Variants in ASNS observed in about 807,000 individuals in gnomAD.
The protein encoded by ASNS is asparagine synthetase (glutamine-hydrolyzing), also known as asparagine synthetase [glutamine-hydrolyzing].
Under a neutral mutation model 62.6 loss-of-function variants are expected in ASNS, and 37 were observed. The observed-to-expected ratio is 0.59, with a 90% confidence interval of 0.45 to 0.78. The LOEUF is 0.78. Ranked by LOEUF, ASNS falls within the 30% of genes least tolerant of loss-of-function variation. The pLI, the probability that ASNS is intolerant of heterozygous loss-of-function variation, is 0.00. For missense variants in ASNS, 520 were observed against 682.4 expected (o/e 0.76, Z 2.65); for synonymous variants, 207 against 237.9 (o/e 0.87, Z 1.19).
At chr7:97,928,178 C>T in the ASNS span, 1 of 1,530,638 alleles carries the variant, frequency 6.5e-7, no homozygotes, top group Non-Finnish European at 8.7e-7. Context: ...GTGCGCTTCC[C>T]CCCTCCAGCA....
upstream of ASNS, among the ~76,000 whole-genome samples, chr7:97,872,871 C>G (rs1792353178): frequency 6.6e-6 from 1 of 152,238 alleles, no homozygotes; most frequent in East Asian, 1.9e-4. Context: ...GAAGCCAAGG[C>G]AAGAGGATCA....
chr7:97,894,764 G>C, the ASNS span, among the ~76,000 whole-genome samples: 1 of 152,168 alleles, frequency 6.6e-6, no homozygotes, highest in African/African-American at 2.4e-5. Context: ...CCCTAGACTA[G>C]GCTTTTATGC....
the ASNS span, among the ~76,000 whole-genome samples, chr7:97,892,350 C>T: frequency 6.6e-6 from 1 of 152,074 alleles, no homozygotes; most frequent in Non-Finnish European, 1.5e-5. Context: ...GCCATGAAGA[C>T]CTGTGACATG....
chr7:97,880,803 C>T, the ASNS span, among the ~76,000 whole-genome samples: 1 of 152,212 alleles, frequency 6.6e-6, no homozygotes, highest in Non-Finnish European at 1.5e-5. Flanking sequence ...CACAGCTGCA[C>T]ATCAGAATCA....
upstream of ASNS, among the ~76,000 whole-genome samples, chr7:97,873,513 A>T (rs1792370169): frequency 6.6e-6 from 1 of 152,242 alleles, no homozygotes; most frequent in Non-Finnish European, 1.5e-5. Flanking sequence ...ACTTGTTCTA[A>T]GGTTCATTGT....
At chr7:97,856,271 C>G (rs1248967657) in intron 8 of ASNS, among the ~76,000 whole-genome samples, 1 of 152,158 alleles carries the variant, frequency 6.6e-6, no homozygotes, top group African/African-American at 2.4e-5. Context: ...GTATTGTTTG[C>G]AGAGCAATGA....
chr7:97,861,023 CTT>C lies in ASNS; in HGVS notation c.488-1627_488-1626del, dbSNP rs71108240. On this transcript the variant is annotated intron_variant, in intron 4 of 12. Coordinates refer to ENST00000394308, the MANE Select transcript of ASNS (RefSeq NM_001673.5). ...TAGTTCAAAACTGATTCATTTGATC[CTT>C]TTTTTTTTTTTTTTTGAGATGAGTC... Among the ~76,000 whole-genome samples, 28 of 120,670 alleles carry C rather than the reference CTT, an allele frequency of 2.3e-4. No individual in the cohort carries two copies. In the East Asian group the frequency reaches 4.8e-3, roughly 20 times the overall value. 79.2% of individuals were successfully genotyped at this position (120,670 alleles called of 152,430 possible). A position where few individuals can be genotyped will look rare whatever the true frequency, so the allele number is the denominator to read the frequency against.
rs199817844 is a variant in ASNS at position 97,854,643 on chromosome 7, C to G, written c.1175G>C (p.Arg392Thr). 1 of 1,613,988 alleles carries G rather than the reference C, an allele frequency of 6.2e-7. No individual in the cohort carries two copies. The change falls in exon 10 of 13, where the codon AGG (arginine) becomes ACG (threonine). Residue 392 changes from arginine to threonine, a missense_variant. Arg to Thr is a moderately conservative substitution (Grantham distance 71). Coordinates refer to ENST00000394308, the MANE Select transcript of ASNS (RefSeq NM_001673.5). ...SPEKAEEESERLLRELYLFDV... is the reference protein window; with the variant it reads ...SPEKAEEESETLLRELYLFDV... ...AAACAAATAGAGTTCCCTCAGAAGC[C>G]TCTCACTCTCCTCCTCGGCTTTTTC...
the ASNS span, chr7:97,885,727 T>G: frequency 4.6e-6 from 1 of 218,782 alleles, no homozygotes; most frequent in East Asian, 9.7e-5. Context: ...ATTGGAATAA[T>G]ATCACAGATT....
the ASNS span, among the ~76,000 whole-genome samples, chr7:97,900,949 T>C: frequency 1.3e-5 from 2 of 152,192 alleles, no homozygotes; most frequent in Non-Finnish European, 1.5e-5. Context: ...AGTCCAAAGA[T>C]GATATGCTGA....
At chr7:97,892,159 G>A in the ASNS span, among the ~76,000 whole-genome samples, 3 of 152,218 alleles carry the variant, frequency 2.0e-5, no homozygotes, top group Non-Finnish European at 2.9e-5. Flanking sequence ...TGTGGAAGCT[G>A]CTAAGGCTTG....
the ASNS span, among the ~76,000 whole-genome samples, chr7:97,927,382 C>A: frequency 2.0e-5 from 3 of 152,240 alleles, no homozygotes; most frequent in Non-Finnish European, 2.9e-5. Flanking sequence ...TCAGCAGTAA[C>A]AACCCCAGGC....
chr7:97,902,063 A>G, the ASNS span, among the ~76,000 whole-genome samples: 1 of 152,330 alleles, frequency 6.6e-6, no homozygotes, highest in African/African-American at 2.4e-5. Flanking sequence ...TGTTAAGAGC[A>G]TGAGTCATCC....
At chr7:97,919,071 ATT>A in the ASNS span, among the ~76,000 whole-genome samples, 2 of 149,826 alleles carry the variant, frequency 1.3e-5, no homozygotes, top group African/African-American at 4.9e-5. Flanking sequence ...CTACATAAAT[ATT>A]TTTTTTTTGG....
At chr7:97,918,460 G>A in the ASNS span, among the ~76,000 whole-genome samples, 5 of 152,216 alleles carry the variant, frequency 3.3e-5, no homozygotes, top group African/African-American at 4.8e-5. Flanking sequence ...CTGGTTAAAC[G>A]AAGCGTGGTG....
At chr7:97,859,151 T>C (rs368334247) in intron 5 of ASNS, 62 bp downstream of exon 5, 2 of 1,540,306 alleles carry the variant, frequency 1.3e-6, no homozygotes, top group Non-Finnish European at 8.7e-7. Context: ...GATGGGAGAA[T>C]ACAACTTAAA....
intron 7 of ASNS, 67 bp from the exon 8 acceptor site, chr7:97,856,883 A>T: frequency 6.9e-7 from 1 of 1,449,340 alleles, no homozygotes; most frequent in South Asian, 1.3e-5. Flanking sequence ...ATCAAACATG[A>T]TGGGAGTTCA....
the ASNS span, among the ~76,000 whole-genome samples, chr7:97,877,905 A>C: frequency 3.3e-5 from 5 of 152,294 alleles, 1 homozygote; most frequent in South Asian, 1.0e-3. Flanking sequence ...ACTCAAGAAG[A>C]GATGATACAG....
At chr7:97,885,464 T>C in the ASNS span, among the ~76,000 whole-genome samples, 2 of 152,260 alleles carry the variant, frequency 1.3e-5, no homozygotes, top group Non-Finnish European at 2.9e-5. Context: ...TGCCAGACTG[T>C]GTAAGAAAGA....
Sources: gnomAD v4.1 joint callset for allele counts (sites outside exome capture counted in the v4.1 genomes callset) on GRCh38, gnomAD v4.1.1 for gene constraint, MANE v1.5 for transcripts, NCBI Gene and HGNC (gene_info 2026-07-23, HGNC 2026-07-21) for gene names.